Variants in CTNNA2 observed in about 807,000 individuals in gnomAD.
CTNNA2 encodes the protein catenin alpha-2.
CTNNA2 carries 42 observed loss-of-function variants against 101.0 expected under a neutral mutation model. The ratio of observed to expected loss-of-function variants is 0.42; its 90% CI spans 0.32 to 0.54. CTNNA2 has a LOEUF of 0.54. CTNNA2 is among the 20% of genes least tolerant of loss of function. CTNNA2 has a pLI of 0.14. For synonymous variants in CTNNA2, 450 were observed against 456.4 expected, an observed-to-expected ratio of 0.99 and a Z score of 0.18; for missense variants, 871 against 1,223.1, an observed-to-expected ratio of 0.71 and a Z score of 4.29.
chr2:79,607,218 A>T (rs1677951992), intron 1 of CTNNA2, among the ~76,000 whole-genome samples: 1 of 152,230 alleles, frequency 6.6e-6, no homozygotes. Context: ...GATCAGAAGA[A>T]CATTTTACAT....
chr2:79,814,512 T>G (rs1269949779), intron 3 of CTNNA2, among the ~76,000 whole-genome samples: 1 of 152,036 alleles, frequency 6.6e-6, no homozygotes, highest in African/African-American at 2.4e-5. Context: ...GTTACTTCAT[T>G]TAGAATAATA....
chr2:80,057,295 C>T (rs1697281420), intron 7 of CTNNA2, among the ~76,000 whole-genome samples: 1 of 151,738 alleles, frequency 6.6e-6, no homozygotes, highest in Non-Finnish European at 1.5e-5. Context: ...TGATTGTTTC[C>T]CAACTGGGAC....
At chr2:80,159,994 A>G (rs1704215333) in intron 7 of CTNNA2, among the ~76,000 whole-genome samples, 1 of 152,018 alleles carries the variant, frequency 6.6e-6, no homozygotes, top group African/African-American at 2.4e-5. Flanking sequence ...TTTTGTGTTA[A>G]TTTTATGTAA....
At chr2:80,128,737 A>G (rs1702261322) in intron 7 of CTNNA2, among the ~76,000 whole-genome samples, 1 of 152,058 alleles carries the variant, frequency 6.6e-6, no homozygotes, top group South Asian at 2.1e-4. Context: ...GTCTTTTGAT[A>G]TTTTATCTGT....
intron 4 of CTNNA2, among the ~76,000 whole-genome samples, chr2:79,433,377 A>T (rs1435365218): frequency 6.6e-6 from 1 of 151,978 alleles, no homozygotes; most frequent in Non-Finnish European, 1.5e-5. Flanking sequence ...TCAGGTGAGG[A>T]CTCCCTCCAA....
At chr2:79,969,819 C>A (rs674116) in intron 7 of CTNNA2, among the ~76,000 whole-genome samples, 139,651 of 152,264 alleles carry the variant, frequency 0.92, 64,099 homozygotes, top group East Asian at 0.97. Flanking sequence ...TTGGGTTTTA[C>A]AATTCTGTTC....
At chr2:79,827,950 C>T (rs1332286864) in intron 3 of CTNNA2, among the ~76,000 whole-genome samples, 2 of 152,136 alleles carry the variant, frequency 1.3e-5, no homozygotes, top group East Asian at 3.9e-4. Flanking sequence ...TAATTTTTGT[C>T]TGGTCCACCT....
chr2:80,245,794 CTTTTTT>C (rs34625586), intron 7 of CTNNA2, among the ~76,000 whole-genome samples: 1 of 58,912 alleles, frequency 1.7e-5, no homozygotes, highest in Non-Finnish European at 2.9e-5. Flanking sequence ...TATGATTTAA[CTTTTTT>C]TTTTTTTTTT....
At chr2:80,227,040 G>A (rs908555037) in intron 7 of CTNNA2, among the ~76,000 whole-genome samples, 11 of 152,180 alleles carry the variant, frequency 7.2e-5, no homozygotes, top group African/African-American at 2.7e-4. Flanking sequence ...TTCATTCGCA[G>A]GATTGCATGG....
At chr2:79,388,790 T>A (rs1678135436) in intron 4 of CTNNA2, among the ~76,000 whole-genome samples, 1 of 152,076 alleles carries the variant, frequency 6.6e-6, no homozygotes. Context: ...CCTCTTTTTT[T>A]TTTAATTTTT....
At chr2:80,514,312 G>A (rs570755702) in intron 9 of CTNNA2, among the ~76,000 whole-genome samples, 1 of 152,260 alleles carries the variant, frequency 6.6e-6, no homozygotes, top group African/African-American at 2.4e-5. Context: ...CAGCACCCAG[G>A]TTGGGTGCCT....
intron 7 of CTNNA2, among the ~76,000 whole-genome samples, chr2:80,237,098 C>G (rs1324304946): frequency 6.6e-6 from 1 of 152,126 alleles, no homozygotes; most frequent in African/African-American, 2.4e-5. Context: ...CATGTAACCT[C>G]ATCCTTAGAT....
chr2:79,895,194 G>A (rs149333342), intron 6 of CTNNA2, among the ~76,000 whole-genome samples: 97 of 152,262 alleles, frequency 6.4e-4, no homozygotes, highest in African/African-American at 1.5e-3. Flanking sequence ...AGCAAAAAGC[G>A]TATTTTCAGG....
intron 2 of CTNNA2, among the ~76,000 whole-genome samples, chr2:79,665,426 C>G (rs952074458): frequency 6.6e-6 from 1 of 152,070 alleles, no homozygotes; most frequent in African/African-American, 2.4e-5. Flanking sequence ...ATATTTCTGC[C>G]TCGGAATGGC....
At chr2:80,255,141 T>C (rs1489088278) in intron 7 of CTNNA2, among the ~76,000 whole-genome samples, 2 of 152,190 alleles carry the variant, frequency 1.3e-5, no homozygotes, top group South Asian at 2.1e-4. Flanking sequence ...TCCACTGATC[T>C]GTGTTTGAGC....
rs186447637 is a variant in CTNNA2, at chr2:79,193,800, A to G, written c.-523-4159A>G. Among the ~76,000 whole-genome samples, 223 of 152,308 alleles carry G rather than the reference A, an allele frequency of 1.5e-3. 2 individuals carry two copies. The highest frequency in any genetic ancestry group is 5.1e-3 in the African/African-American group (210 of 41,582). ...CTTTGTCTCCATTAAAAGACAATTT[A>G]TTTATTGATGGAAATTATATTCTAT... is the stretch of plus-strand genomic sequence containing the variant. On this transcript the variant is annotated intron_variant, in intron 1 of 21. Transcript: ENST00000466387.
chr2:79,265,060 A>G (rs1227696094), intron 2 of CTNNA2, among the ~76,000 whole-genome samples: 3 of 152,148 alleles, frequency 2.0e-5, no homozygotes, highest in Admixed American at 1.3e-4. Flanking sequence ...TTAGCCTCTC[A>G]TCCATATTAA....
chr2:79,854,068 T>C (rs1257221239), intron 3 of CTNNA2, among the ~76,000 whole-genome samples: 1 of 152,236 alleles, frequency 6.6e-6, no homozygotes, highest in Non-Finnish European at 1.5e-5. Context: ...TTCATCCCAG[T>C]GCTTTCAGGG....
At chr2:79,240,286 T>C (rs1251960181) in intron 2 of CTNNA2, among the ~76,000 whole-genome samples, 1 of 151,926 alleles carries the variant, frequency 6.6e-6, no homozygotes, top group Non-Finnish European at 1.5e-5. Context: ...CTGTGTGTCA[T>C]GGAGGCTTGG....
Sources: allele counts gnomAD v4.1 joint callset (sites outside exome capture counted in the v4.1 genomes callset), GRCh38; gene constraint gnomAD v4.1.1; transcripts MANE v1.5; gene names NCBI Gene and HGNC (gene_info 2026-07-23, HGNC 2026-07-21).